CAMK1D: variants seen among roughly 807,000 people sequenced by gnomAD.
The protein encoded by CAMK1D is calcium/calmodulin-dependent protein kinase type 1D.
Under a neutral mutation model 47.7 loss-of-function variants are expected in CAMK1D, and 9 were observed. The observed-to-expected ratio is 0.19, with a 90% CI of 0.11 to 0.33. The LOEUF is 0.33. CAMK1D is among the 10% of genes least tolerant of loss of function. The probability of loss-of-function intolerance (pLI) is 1.00; values close to 1 mark genes in which losing one functional copy is unlikely to be tolerated. For missense variants in CAMK1D, 291 were observed against 488.7 expected, an observed-to-expected ratio of 0.60 and a Z score of 3.81; for synonymous variants, 184 against 184.9, an observed-to-expected ratio of 0.99 and a Z score of 0.04.
At chr10:12,643,488 G>A (rs894479772) in intron 2 of CAMK1D, among the ~76,000 whole-genome samples, 6 of 152,140 alleles carry the variant, frequency 3.9e-5, no homozygotes, top group Admixed American at 3.9e-4. Flanking sequence ...CCTGAGCTCC[G>A]CCTCCTGTCC....
intron 2 of CAMK1D, among the ~76,000 whole-genome samples, chr10:12,586,978 G>T (rs1045124067): frequency 6.6e-6 from 1 of 152,150 alleles, no homozygotes; most frequent in African/African-American, 2.4e-5. Flanking sequence ...CAGGAAGGCT[G>T]CTCTGAAACC....
At chr10:12,789,698 G>A (rs1401035177) in intron 5 of CAMK1D, among the ~76,000 whole-genome samples, 1 of 152,206 alleles carries the variant, frequency 6.6e-6, no homozygotes, top group Non-Finnish European at 1.5e-5. Context: ...GTCCTCCCCT[G>A]TAATTTGGGA....
rs1286809291 is a variant in CAMK1D at position 12,676,522 on chromosome 10, A to G, written c.299+9712A>G. Among the ~76,000 whole-genome samples, 4 of 152,236 alleles carry G rather than the reference A, an allele frequency of 2.6e-5. No homozygotes were observed. The East Asian group carries it at 7.7e-4, about 29-fold the overall frequency. On this transcript the variant is annotated intron_variant, in intron 3 of 10. Coordinates refer to ENST00000619168, the MANE Select transcript of CAMK1D (RefSeq NM_153498.4). ...ATGCTAGGCGCTTAACAAATGCTTAACTGATATGATCACCTGGGAATGTAA... is the reference window on the plus strand; with the variant it reads ...ATGCTAGGCGCTTAACAAATGCTTAGCTGATATGATCACCTGGGAATGTAA...
intron 1 of CAMK1D, among the ~76,000 whole-genome samples, chr10:12,391,407 AG>A (rs1039357380): frequency 1.4e-4 from 22 of 152,196 alleles, no homozygotes; most frequent in Non-Finnish European, 2.2e-4. Context: ...TCTTCTATTC[AG>A]GGTTTCCACA....
intron 1 of CAMK1D, among the ~76,000 whole-genome samples, chr10:12,537,371 C>G (rs1836009670): frequency 6.6e-6 from 1 of 152,204 alleles, no homozygotes. Flanking sequence ...CGCACCCAGC[C>G]TAATGCTTTT....
intron 6 of CAMK1D, among the ~76,000 whole-genome samples, chr10:12,802,340 G>T (rs887633237): frequency 6.6e-6 from 1 of 152,076 alleles, no homozygotes; most frequent in Non-Finnish European, 1.5e-5. Flanking sequence ...GCTGAAAAAG[G>T]CTTCTCCGTC....
chr10:12,680,498 A>G (rs1840954617), intron 3 of CAMK1D, among the ~76,000 whole-genome samples: 1 of 152,206 alleles, frequency 6.6e-6, no homozygotes, highest in African/African-American at 2.4e-5. Context: ...AGATGTTAGA[A>G]ATCCAGTTGT....
At chr10:12,577,021 A>G (rs1346055460) in intron 2 of CAMK1D, among the ~76,000 whole-genome samples, 1 of 152,202 alleles carries the variant, frequency 6.6e-6, no homozygotes, top group Non-Finnish European at 1.5e-5. Flanking sequence ...GTTCCAGAAC[A>G]CTTTCACGTG....
intron 1 of CAMK1D, among the ~76,000 whole-genome samples, chr10:12,511,418 CAG>C (rs1372297620): frequency 1.3e-5 from 2 of 152,054 alleles, no homozygotes; most frequent in East Asian, 1.9e-4. Context: ...CTGGGCAACA[CAG>C]AGAGACCCTG....
chr10:12,522,364 C>T (rs1246938845), intron 1 of CAMK1D, among the ~76,000 whole-genome samples: 3 of 109,618 alleles, frequency 2.7e-5, no homozygotes, highest in Admixed American at 2.6e-4. Context: ...GTGTTTGTGT[C>T]CCTGGGTACT....
intron 2 of CAMK1D, among the ~76,000 whole-genome samples, chr10:12,608,396 C>T (rs530402665): frequency 6.6e-6 from 1 of 152,290 alleles, no homozygotes; most frequent in Non-Finnish European, 1.5e-5. Context: ...CCAGCCTGGG[C>T]AACAAGAGTG....
chr10:12,461,710 A>G (rs1040906359), intron 1 of CAMK1D, among the ~76,000 whole-genome samples: 1 of 150,648 alleles, frequency 6.6e-6, no homozygotes, highest in Non-Finnish European at 1.5e-5. Context: ...AAAAAAAAGA[A>G]GCTTTCAAAG....
intron 3 of CAMK1D, among the ~76,000 whole-genome samples, chr10:12,713,517 A>C (rs535010799): frequency 6.6e-6 from 1 of 152,202 alleles, no homozygotes; most frequent in Middle Eastern, 3.2e-3. Context: ...ACAGTTGTTC[A>C]CTGGTGGCTT....
intron 2 of CAMK1D, among the ~76,000 whole-genome samples, chr10:12,627,417 TC>T (rs1179254216): frequency 6.6e-6 from 1 of 152,158 alleles, no homozygotes; most frequent in Non-Finnish European, 1.5e-5. Flanking sequence ...ATAAAATATA[TC>T]CACTTAAAGT....
At chr10:12,532,800 T>G (rs1307561647) in intron 1 of CAMK1D, among the ~76,000 whole-genome samples, 1 of 152,100 alleles carries the variant, frequency 6.6e-6, no homozygotes, top group East Asian at 1.9e-4. Context: ...ACAACATGGA[T>G]GGAACTGGAG....
chr10:12,579,545 C>T (rs1002464601), intron 2 of CAMK1D, among the ~76,000 whole-genome samples: 1 of 152,144 alleles, frequency 6.6e-6, no homozygotes, highest in African/African-American at 2.4e-5. Flanking sequence ...GTCTGTGTTT[C>T]CTGCTGGATC....
chr10:12,530,934 G>A (rs1484898905), intron 1 of CAMK1D, among the ~76,000 whole-genome samples: 1 of 152,032 alleles, frequency 6.6e-6, no homozygotes, highest in Admixed American at 6.6e-5. Flanking sequence ...GCGGGCGCCT[G>A]TAATCCCAGC....
intron 1 of CAMK1D, among the ~76,000 whole-genome samples, chr10:12,522,190 CCTTTT>C (rs1380203905): frequency 5.4e-5 from 2 of 37,122 alleles, no homozygotes; most frequent in Non-Finnish European, 6.6e-5. Flanking sequence ...TGATATATTT[CCTTTT>C]TTTTTCTTTT....
intron 3 of CAMK1D, among the ~76,000 whole-genome samples, chr10:12,676,612 C>T (rs1840817514): frequency 6.6e-6 from 1 of 152,128 alleles, no homozygotes; most frequent in Admixed American, 6.5e-5. Context: ...ACTGTGATCC[C>T]AGTTTTCAAT....
Sources: allele counts gnomAD v4.1 joint callset (sites outside exome capture counted in the v4.1 genomes callset), GRCh38; gene constraint gnomAD v4.1.1; transcripts MANE v1.5; gene names NCBI Gene and HGNC (gene_info 2026-07-23, HGNC 2026-07-21).